Variants in RBFOX1 observed in about 807,000 individuals in gnomAD.
RBFOX1 encodes RNA binding fox-1 homolog 1.
Under a neutral mutation model 57.7 loss-of-function variants are expected in RBFOX1, and 8 were observed. That is an observed-to-expected ratio of 0.14 (90% CI 0.08 to 0.25). The LOEUF (loss-of-function observed/expected upper bound fraction) is 0.25. Among genes scored for constraint, RBFOX1 ranks in the 10% least tolerant of loss-of-function variants. The pLI, the probability that RBFOX1 is intolerant of heterozygous loss-of-function variation, is 1.00. For synonymous variants in RBFOX1, 326 were observed against 222.4 expected (o/e 1.47, Z -4.15); for missense variants, 611 against 548.5 (o/e 1.11, Z -1.14).
intron 3 of RBFOX1, among the ~76,000 whole-genome samples, chr16:6,867,898 C>G (rs1225199117): frequency 6.6e-6 from 1 of 152,142 alleles, no homozygotes; most frequent in Non-Finnish European, 1.5e-5. Context: ...ATTCCATACT[C>G]TTAAACAAGA....
At chr16:5,798,776 A>T (rs1597300708) in intron 3 of RBFOX1, among the ~76,000 whole-genome samples, 1 of 152,196 alleles carries the variant, frequency 6.6e-6, no homozygotes, top group African/African-American at 2.4e-5. Flanking sequence ...AGAGTCAAAA[A>T]TTATGAACCA....
In RBFOX1 at chr16:5,650,015, A is replaced by G. The variant is rs551518995; in HGVS notation, c.318+51054A>G. ...AGAGTCGATGTTTTGCAAACACCAC[A>G]TTGCTCTCTACATGAAGCATTGGCC... On this transcript the variant is annotated intron_variant, in intron 3 of 19. Transcript: ENST00000641259. Among the ~76,000 whole-genome samples the G allele has an allele frequency of 5.9e-5, 9 of 152,252 alleles. No individual in the cohort carries two copies. In the East Asian group the frequency reaches 1.7e-3, roughly 29 times the overall value.
At chr16:5,254,658 A>G (rs560105711) in intron 1 of RBFOX1, among the ~76,000 whole-genome samples, 2 of 152,156 alleles carry the variant, frequency 1.3e-5, no homozygotes, top group South Asian at 4.2e-4. Flanking sequence ...CCTGCTTCCC[A>G]CCTGCATCCC....
chr16:7,335,606 A>AAAAAAAAG (rs1568270544), intron 4 of RBFOX1, among the ~76,000 whole-genome samples: 1 of 64,938 alleles, frequency 1.5e-5, no homozygotes, highest in African/African-American at 1.5e-4. Flanking sequence ...AAAAAAAAAA[A>AAAAAAAAG]AAACCAAGTG....
intron 4 of RBFOX1, among the ~76,000 whole-genome samples, chr16:7,106,712 GAT>G (rs1416786128): frequency 6.6e-6 from 1 of 151,964 alleles, no homozygotes; most frequent in Non-Finnish European, 1.5e-5. Flanking sequence ...AGGTGCTTGA[GAT>G]ATGAATTCAT....
At chr16:6,829,164 T>A (rs2092484170) in intron 3 of RBFOX1, among the ~76,000 whole-genome samples, 2 of 151,574 alleles carry the variant, frequency 1.3e-5, no homozygotes, top group South Asian at 2.1e-4. Flanking sequence ...GGTGTAGAAG[T>A]TTCAAGAAAC....
chr16:5,777,071 A>G (rs543606165), intron 3 of RBFOX1, among the ~76,000 whole-genome samples: 84 of 152,314 alleles, frequency 5.5e-4, no homozygotes, highest in African/African-American at 1.9e-3. Context: ...GACGTCATCC[A>G]TTGCTGCTGG....
intron 1 of RBFOX1, among the ~76,000 whole-genome samples, chr16:6,126,379 G>C (rs760438813): frequency 1.3e-5 from 2 of 152,122 alleles, no homozygotes; most frequent in Non-Finnish European, 2.9e-5. Flanking sequence ...GCCATGCATT[G>C]AATGCGCACT....
chr16:6,229,763 A>G (rs1021459134), intron 1 of RBFOX1, among the ~76,000 whole-genome samples: 1 of 152,072 alleles, frequency 6.6e-6, no homozygotes, highest in Non-Finnish European at 1.5e-5. Flanking sequence ...GATGGAAAAC[A>G]TCCTTTCCAC....
chr16:5,732,621 G>A (rs186255759), intron 3 of RBFOX1, among the ~76,000 whole-genome samples: 1 of 152,246 alleles, frequency 6.6e-6, no homozygotes, highest in African/African-American at 2.4e-5. Context: ...GCACTTGTAA[G>A]GTAAAAAATT....
rs145487136 is a variant in RBFOX1, at chr16:7,304,982, A to G, written c.28-213165A>G. Among the ~76,000 whole-genome samples, 34 of 145,808 alleles carry G rather than the reference A, an allele frequency of 2.3e-4. No homozygotes were observed. The Middle Eastern group carries it at 0.016, about 69-fold the overall frequency. On this transcript the variant is annotated intron_variant, in intron 4 of 15. Coordinates refer to ENST00000550418, the MANE Select transcript of RBFOX1 (RefSeq NM_018723.4). ...TGTTTTCCTAAGTTTGTGTGGTGCT[A>G]TATTCGGTCCGCATGGGATCGCAGC...
intron 4 of RBFOX1, among the ~76,000 whole-genome samples, chr16:7,434,808 C>G (rs1348609698): frequency 6.6e-6 from 1 of 151,212 alleles, no homozygotes; most frequent in Non-Finnish European, 1.5e-5. Context: ...GGTGTGATCT[C>G]TGCTCACTGC....
chr16:6,604,334 C>T (rs759442397), intron 2 of RBFOX1, among the ~76,000 whole-genome samples: 1 of 152,014 alleles, frequency 6.6e-6, no homozygotes, highest in African/African-American at 2.4e-5. Flanking sequence ...ACAGCATTTT[C>T]TTATTTTTTT....
At position 7,266,736 on chromosome 16, in the gene RBFOX1, T is replaced by C. The variant is rs147549138; in HGVS notation, c.27+214638T>C. On this transcript the variant is annotated intron_variant, in intron 4 of 15. Coordinates refer to ENST00000550418, the MANE Select transcript of RBFOX1 (RefSeq NM_018723.4). Reference sequence around the variant, plus strand: ...TGACAATAAAAAAGTAAGCAAAAAGTAAGAATTTTTAGCTAATGTTAAATG... The same window carrying C: ...TGACAATAAAAAAGTAAGCAAAAAGCAAGAATTTTTAGCTAATGTTAAATG... Among the ~76,000 whole-genome samples the C allele has an allele frequency of 6.2e-3, 936 of 152,052 alleles. 11 individuals are homozygous for C. Among genetic ancestry groups the C allele is most frequent in the African/African-American group, 0.021 (873 of 41,462 alleles).
intron 4 of RBFOX1, among the ~76,000 whole-genome samples, chr16:7,257,958 T>C (rs932660081): frequency 1.7e-4 from 26 of 152,336 alleles, no homozygotes; most frequent in African/African-American, 6.3e-4. Context: ...GAAAGAAAGC[T>C]GAACAGAGCC....
chr16:7,626,058 C>T (rs1367295386), intron 10 of RBFOX1, among the ~76,000 whole-genome samples: 1 of 152,202 alleles, frequency 6.6e-6, no homozygotes, highest in African/African-American at 2.4e-5. Flanking sequence ...GATAGGGTTT[C>T]TAGGAGAAGC....
intron 3 of RBFOX1, among the ~76,000 whole-genome samples, chr16:5,811,360 G>T (rs1031860959): frequency 2.6e-5 from 4 of 151,556 alleles, no homozygotes; most frequent in Non-Finnish European, 1.5e-5. Flanking sequence ...CCAGGCTGGT[G>T]TTGAACTCCT....
chr16:6,823,601 C>G (rs1227583564), intron 3 of RBFOX1, among the ~76,000 whole-genome samples: 22 of 152,090 alleles, frequency 1.4e-4, no homozygotes. Flanking sequence ...TTCTTCCTTC[C>G]TTGAATATTC....
chr16:6,972,847 G>C (rs1568161517), intron 3 of RBFOX1, among the ~76,000 whole-genome samples: 1 of 152,160 alleles, frequency 6.6e-6, no homozygotes, highest in South Asian at 2.1e-4. Context: ...CAAGGGGCCG[G>C]ATGCAGTGGT....
Sources: gnomAD v4.1 joint callset for allele counts (sites outside exome capture counted in the v4.1 genomes callset) on GRCh38, gnomAD v4.1.1 for gene constraint, MANE v1.5 for transcripts, NCBI Gene and HGNC (gene_info 2026-07-23, HGNC 2026-07-21) for gene names.